ZSCAN32: variants seen among roughly 807,000 people sequenced by gnomAD.
The protein encoded by ZSCAN32 is zinc finger and SCAN domain-containing protein 32.
Under a neutral mutation model 47.4 loss-of-function variants are expected in ZSCAN32, and 52 were observed. The ratio of observed to expected loss-of-function variants is 1.10; its 90% CI spans 0.88 to 1.38. The LOEUF (loss-of-function observed/expected upper bound fraction) is 1.38. Ranked by LOEUF, ZSCAN32 falls within the 40% of genes most tolerant of loss-of-function variation. ZSCAN32 has a pLI of 0.00. For missense variants in ZSCAN32, 959 were observed against 846.0 expected (o/e 1.13, Z -1.66); for synonymous variants, 346 against 305.7 (o/e 1.13, Z -1.38).
rs1172931097 is a variant in ZSCAN32 at position 3,384,475 on chromosome 16, C to T, written c.1218G>A (p.Leu406=). ...GAGTCTTACCAAGTCTGTTTGGGAA[C>T]AGCACTGGCAGGTCTAGTTTCCTGA... ...QEVRKLDLPV[L]FPNRLGFEFK... The change falls in exon 6 of 7, where the codon CTG becomes CTA. Residue 406 remains leucine, a synonymous_variant. Transcript: ENST00000396852. 1 of 1,614,036 alleles carries T rather than the reference C, an allele frequency of 6.2e-7. No homozygotes were observed. The highest frequency in any genetic ancestry group is 2.2e-5 in the East Asian group (1 of 44,890).
chr16:3,398,838 G>A (rs1047502829), intron 1 of ZSCAN32, among the ~76,000 whole-genome samples: 1 of 152,124 alleles, frequency 6.6e-6, no homozygotes, highest in South Asian at 2.1e-4. Flanking sequence ...CACACACAAC[G>A]TGGATAAGTG....
At position 3,393,219 on chromosome 16, in the gene ZSCAN32, T is replaced by TAA. The variant is rs1342211017; in HGVS notation, c.532+429_532+430insTT. Among the ~76,000 whole-genome samples, 37 of 24,734 alleles carry TAA rather than the reference T, an allele frequency of 1.5e-3. 11 individuals carry two copies. The highest frequency in any genetic ancestry group is 0.013 in the African/African-American group (32 of 2,558). 16.2% of individuals were successfully genotyped at this position (24,734 alleles called of 152,430 possible). A position where few individuals can be genotyped will look rare whatever the true frequency, so the allele number is the denominator to read the frequency against. On this transcript the variant is annotated intron_variant, in intron 3 of 6. Transcript: ENST00000396852. Reference sequence around the variant, plus strand: ...ATATATATTTATATTTATATATATATATATATATAAATTTATATATTTTAT... The same window carrying TAA: ...ATATATATTTATATTTATATATATATAAATATATATAAATTTATATATTTTAT...
intron 1 of ZSCAN32, 99 bp from the exon 2 acceptor site, chr16:3,397,843 A>T: frequency 9.4e-6 from 2 of 212,810 alleles, no homozygotes; most frequent in African/African-American, 2.4e-5. Context: ...TCCCTCCACA[A>T]ATCTACACCA....
intron 6 of ZSCAN32, 152 bp from the exon 7 acceptor site, chr16:3,383,863 C>T (rs890978533): frequency 2.2e-6 from 2 of 924,976 alleles, no homozygotes; most frequent in African/African-American, 3.4e-5. Context: ...TTTATTTTCT[C>T]ATTGTAATAT....
At chr16:3,390,205 G>C (rs1290906541) in intron 4 of ZSCAN32, 72 bp from the exon 5 acceptor site, 6 of 1,501,764 alleles carry the variant, frequency 4.0e-6, no homozygotes, top group Non-Finnish European at 5.4e-6. Context: ...GCAGAGACAG[G>C]ATCACAGTTG....
At chr16:3,392,717 T>G (rs1222008784) in intron 3 of ZSCAN32, among the ~76,000 whole-genome samples, 1 of 151,888 alleles carries the variant, frequency 6.6e-6, no homozygotes, top group Non-Finnish European at 1.5e-5. Flanking sequence ...TCCCAGCTAC[T>G]TGGGAGGCTG....
At chr16:3,396,766 G>T (rs1322466396) in intron 2 of ZSCAN32, among the ~76,000 whole-genome samples, 1 of 152,152 alleles carries the variant, frequency 6.6e-6, no homozygotes, top group African/African-American at 2.4e-5. Flanking sequence ...CCGGCATCAA[G>T]AACTAGAGCA....
Position 3,390,048 on chromosome 16 carries a change from CTGTA to C in ZSCAN32, c.709_712del (p.Tyr237GlyfsTer78). The C allele has an allele frequency of 1.2e-6, 2 of 1,613,890 alleles. No individual in the cohort carries two copies. The highest frequency in any genetic ancestry group is 2.2e-5 in the South Asian group (2 of 90,964). On this transcript the variant is annotated frameshift_variant, in exon 5 of 7. Transcript: ENST00000396852. LOFTEE classifies it high-confidence loss of function. ...ACTGTCCTTCCTCTGGGTGGCACCC[CTGTA>C]GAGGGCCCTTTGTGCAGGGCCTGGG...
chr16:3,391,729 A>C (rs938333667), intron 3 of ZSCAN32, among the ~76,000 whole-genome samples: 16 of 151,526 alleles, frequency 1.1e-4, no homozygotes, highest in African/African-American at 3.9e-4. Flanking sequence ...ACAATTTTCC[A>C]GTTTATCAAC....
At chr16:3,391,538 G>A (rs2032698092) in intron 3 of ZSCAN32, among the ~76,000 whole-genome samples, 1 of 151,972 alleles carries the variant, frequency 6.6e-6, no homozygotes, top group Non-Finnish European at 1.5e-5. Flanking sequence ...AATTAGCCGG[G>A]CGTGGTGGCA....
Position 3,382,726 on chromosome 16 carries a change from T to C in ZSCAN32, c.*126A>G, listed in dbSNP as rs1219202878. ...TTATGCTGACTCCTGGTCCTAGACA[T>C]GGGTCTTAAGATCCAGTAGTCAGTA... On this transcript the variant is annotated 3_prime_UTR_variant, in exon 7 of 7. Coordinates refer to ENST00000396852, the MANE Select transcript of ZSCAN32 (RefSeq NM_001284527.2). 1 of 1,432,390 alleles carries C rather than the reference T, an allele frequency of 7.0e-7. No individual in the cohort carries two copies. The highest frequency in any genetic ancestry group is 1.4e-5 in the African/African-American group (1 of 70,302). 88.7% of individuals were successfully genotyped at this position (1,432,390 alleles called of 1,614,324 possible).
At chr16:3,400,439 AACCTGCACCCTTC>A (rs1034358069) in intron 1 of ZSCAN32, among the ~76,000 whole-genome samples, 79 of 152,304 alleles carry the variant, frequency 5.2e-4, no homozygotes, top group African/African-American at 1.8e-3. Flanking sequence ...CAGAAGGCGG[AACCTGCACCCTTC>A]TTGACCCCTT....
intron 5 of ZSCAN32, 36 bp from the exon 6 acceptor site, chr16:3,384,977 G>T: frequency 6.3e-7 from 1 of 1,590,100 alleles, no homozygotes; most frequent in Non-Finnish European, 8.5e-7. Flanking sequence ...AGATCTGTCA[G>T]TTAGATCATG....
At chr16:3,388,435 C>T (rs1449322762) in intron 5 of ZSCAN32, among the ~76,000 whole-genome samples, 13 of 152,352 alleles carry the variant, frequency 8.5e-5, no homozygotes, top group Admixed American at 5.2e-4. Context: ...ACTCCCATCA[C>T]GCTGCTCTGC....
At position 3,393,878 on chromosome 16, in the gene ZSCAN32, A is replaced by C. The variant is rs994603823; in HGVS notation, c.367-64T>G. The C allele has an allele frequency of 9.5e-6, 13 of 1,362,232 alleles. No homozygotes were observed. The African/African-American group carries it at 1.9e-4, about 20-fold the overall frequency. The allele number at this position is 1,362,232 out of a possible 1,614,324, so 84.4% of individuals were successfully genotyped here. ...GCCTAAGCTGGACTTTACAACTCCT[A>C]AGAGTGGCATTAAAAAATGTGTAAC... On this transcript the variant is annotated intron_variant, in intron 2 of 6. Transcript: ENST00000396852.
chr16:3,393,392 T>G (rs1384824256), intron 3 of ZSCAN32, among the ~76,000 whole-genome samples: 1 of 144,470 alleles, frequency 6.9e-6, no homozygotes, highest in Non-Finnish European at 1.5e-5. Context: ...GCCCAGCTAA[T>G]TTTTTGTATT....
rs201123105 is a variant in ZSCAN32 at position 3,397,489 on chromosome 16, T to A, written c.69A>T (p.Lys23Asn). 5.5e-5 allele frequency: 85 copies of A among 1,550,496 alleles called. No homozygotes were observed. Among genetic ancestry groups the A allele is most frequent in the Non-Finnish European group, 7.1e-5 (81 of 1,147,008 alleles). The change falls in exon 2 of 7, where the codon AAA becomes AAT. Residue 23 changes from lysine to asparagine, a missense_variant. Transcript: ENST00000396852. ...SSNKDPTQGQKSALQGNSPDS... is the reference protein window; with the variant it reads ...SSNKDPTQGQNSALQGNSPDS... ...CAGGGCTGTTACCCTGGAGGGCTGA[T>A]TTCTGGCCCTGTGTGGGATCCTTGT...
At position 3,384,146 on chromosome 16, in the gene ZSCAN32, A is replaced by C. The variant is rs906931712; in HGVS notation, c.1234+313T>G. The stretch of plus-strand genomic sequence containing the variant: ...GCATAGGCTCAGGCTGTGAAAGGCA[A>C]GGCCATGCTAGAGAAAAAGGGAGAA... On this transcript the variant is annotated intron_variant, in intron 6 of 6. Transcript: ENST00000396852. The C allele has an allele frequency of 1.4e-4, 74 of 536,588 alleles. No homozygotes were observed. The South Asian group carries it at 2.0e-3, about 14-fold the overall frequency. The allele number at this position is 536,588 out of a possible 1,614,324, so 33.2% of individuals were successfully genotyped here. A position where few individuals can be genotyped will look rare whatever the true frequency, so the allele number is the denominator to read the frequency against.
chr16:3,387,705 CCTT>C (rs757416512), intron 5 of ZSCAN32, among the ~76,000 whole-genome samples: 1 of 152,214 alleles, frequency 6.6e-6, no homozygotes, highest in Non-Finnish European at 1.5e-5. Flanking sequence ...CCACTCTGGA[CCTT>C]CTACGGTCTA....
Sources: allele counts gnomAD v4.1 joint callset (sites outside exome capture counted in the v4.1 genomes callset), GRCh38; gene constraint gnomAD v4.1.1; transcripts MANE v1.5; gene names NCBI Gene and HGNC (gene_info 2026-07-23, HGNC 2026-07-21).